The following ZNF81 variants were observed in gnomAD, a reference collection of about 807,000 sequenced individuals.
ZNF81 encodes the protein zinc finger protein 81 (HFZ20).
In ZNF81, 5 loss-of-function variants were observed where a neutral mutation model predicts 32.3. The observed-to-expected ratio is 0.15, with a 90% confidence interval of 0.08 to 0.33. The LOEUF (loss-of-function observed/expected upper bound fraction) is 0.33, where lower values mean the gene tolerates loss of function less well. Ranked by LOEUF, ZNF81 falls within the 10% of genes least tolerant of loss-of-function variation. ZNF81 has a pLI of 1.00. For synonymous variants in ZNF81, 163 were observed against 166.8 expected (o/e 0.98, Z 0.17); for missense variants, 379 against 479.8 (o/e 0.79, Z 1.96).
At chrX:47,870,509 A>G (rs1474365618) in intron 2 of ZNF81, among the ~76,000 whole-genome samples, 4 of 112,794 alleles carry the variant, frequency 3.5e-5, no homozygotes, top group African/African-American at 1.3e-4. Flanking sequence ...TAATTCCTGA[A>G]CAACAGAAAA....
chrX:47,868,962 T>C (rs1319522750), intron 2 of ZNF81, among the ~76,000 whole-genome samples: 2 of 108,249 alleles, frequency 1.8e-5, no homozygotes, highest in Non-Finnish European at 3.8e-5. Context: ...CTCTCTTATA[T>C]ACATCTTGAG....
rs782307247 is a variant in ZNF81, at chrX:47,860,245, G to A, written c.54+13924G>A. On this transcript the variant is annotated intron_variant, in intron 2 of 4. Transcript: ENST00000338637. ...GGCTGGATTGCAGTGGCGTGATCTC[G>A]GCTCACTGCAAGCTCCGCCTCCTGG... is the stretch of plus-strand genomic sequence containing the variant. 2.9e-5 allele frequency among the ~76,000 whole-genome samples: 3 copies of A among 104,904 alleles called. No homozygotes were observed. In the South Asian group the frequency reaches 1.3e-3, roughly 47 times the overall value. The allele number at this position is 104,904 out of a possible 115,157, so 91.1% of individuals were successfully genotyped here. A position where few individuals can be genotyped will look rare whatever the true frequency, so the allele number is the denominator to read the frequency against.
chrX:47,899,544 G>A (rs1478254564), intron 4 of ZNF81, among the ~76,000 whole-genome samples: 1 of 110,192 alleles, frequency 9.1e-6, no homozygotes, highest in Admixed American at 9.7e-5. Flanking sequence ...GAGTGATTTG[G>A]TTCATGGTTT....
At position 47,836,951 on chromosome X, in the gene ZNF81, CAGG is replaced by C. The variant is rs2058427526; in HGVS notation, c.-195_-193del. ...TTCTCAGCCGGGGTTTGATAGTTGTCAGGAGGATTCGACGTTCAGTGCCCAGGG... is the reference window on the plus strand; with the variant it reads ...TTCTCAGCCGGGGTTTGATAGTTGTCAGGATTCGACGTTCAGTGCCCAGGG... On this transcript the variant is annotated 5_prime_UTR_variant, in exon 1 of 5. Transcript: ENST00000338637. The C allele has an allele frequency of 4.6e-6, 1 of 216,837 alleles. No homozygotes were observed. The highest frequency in any genetic ancestry group is 2.9e-5 in the African/African-American group (1 of 34,253). 17.9% of individuals were successfully genotyped at this position (216,837 alleles called of 1,213,427 possible). A position where few individuals can be genotyped will look rare whatever the true frequency, so the allele number is the denominator to read the frequency against.
intron 4 of ZNF81, among the ~76,000 whole-genome samples, chrX:47,902,782 G>A (rs1191815236): frequency 5.4e-5 from 6 of 111,908 alleles, no homozygotes; most frequent in South Asian, 3.7e-4. Context: ...GGGGCCGGGC[G>A]CAGTGGCTCA....
intron 4 of ZNF81, among the ~76,000 whole-genome samples, chrX:47,910,285 T>C (rs1451306154): frequency 1.8e-5 from 2 of 111,626 alleles, no homozygotes; most frequent in Non-Finnish European, 3.8e-5. Context: ...GAAACTACCA[T>C]GAGTGAACAG....
chrX:47,891,673 A>C (rs1352831136), intron 3 of ZNF81, among the ~76,000 whole-genome samples: 2 of 111,911 alleles, frequency 1.8e-5, no homozygotes, highest in Non-Finnish European at 3.8e-5. Flanking sequence ...GCACTGTGAG[A>C]TGGACCTCAA....
At chrX:47,893,015 A>G (rs980048736) in intron 3 of ZNF81, among the ~76,000 whole-genome samples, 1 of 112,663 alleles carries the variant, frequency 8.9e-6, no homozygotes, top group African/African-American at 3.2e-5. Flanking sequence ...CTACTGGCAA[A>G]GGAGACTCAA....
Position 47,895,913 on chromosome X carries a change from G to C in ZNF81, c.250G>C (p.Gly84Arg), listed in dbSNP as rs782776139. ...AGGAGAGGGGCCATGGACATTGGAA[G>C]GGGAAGCCCCACATCAGAGCTGTTC... ...EQGEGPWTLEGEAPHQSCSDG... is the reference protein window; with the variant it reads ...EQGEGPWTLEREAPHQSCSDG... The change falls in exon 4 of 5, where the codon GGG (glycine) becomes CGG (arginine). Residue 84 changes from glycine to arginine, a missense_variant. Around this residue, in one of 2 missense-constraint regions of ZNF81, gnomAD observed 277 missense variants for 306.6 expected, o/e 0.90. Coordinates refer to ENST00000338637, the MANE Select transcript of ZNF81 (RefSeq NM_007137.5). The C allele has an allele frequency of 1.7e-6, 2 of 1,210,089 alleles. No homozygotes were observed. The highest frequency in any genetic ancestry group is 1.1e-6 in the Non-Finnish European group (1 of 893,942).
chrX:47,855,169 AATT>A (rs2058511605), intron 2 of ZNF81, among the ~76,000 whole-genome samples: 2 of 105,398 alleles, frequency 1.9e-5, no homozygotes, highest in African/African-American at 6.7e-5. Flanking sequence ...TAAATAAATT[AATT>A]AATTAATTAA....
At chrX:47,894,224 A>G (rs1556886868) in intron 3 of ZNF81, among the ~76,000 whole-genome samples, 1 of 111,416 alleles carries the variant, frequency 9.0e-6, no homozygotes, top group African/African-American at 3.3e-5. Flanking sequence ...GATTGTTACT[A>G]AACTGACCTG....
chrX:47,844,089 A>G (rs1202777308), intron 1 of ZNF81, among the ~76,000 whole-genome samples: 1 of 112,082 alleles, frequency 8.9e-6, no homozygotes, highest in East Asian at 2.8e-4. Flanking sequence ...TAGCTTCTGT[A>G]TTGATTTCCC....
chrX:47,868,157 T>C (rs1261426698), intron 2 of ZNF81, among the ~76,000 whole-genome samples: 1 of 111,526 alleles, frequency 9.0e-6, no homozygotes, highest in Non-Finnish European at 1.9e-5. Flanking sequence ...AAATCAATAG[T>C]AACACCAGGC....
chrX:47,912,812 C>A (rs371110620), intron 4 of ZNF81, among the ~76,000 whole-genome samples: 57 of 110,659 alleles, frequency 5.2e-4, no homozygotes, highest in African/African-American at 1.9e-3. Context: ...CCATCATTTT[C>A]TCTCAAATTC....
rs782618982 is a variant in ZNF81, at chrX:47,915,984, A to G, written c.1338A>G (p.Gln446=). 4.1e-6 allele frequency: 5 copies of G among 1,209,865 alleles called. No individual in the cohort carries two copies. In the South Asian group the frequency reaches 8.8e-5, roughly 21 times the overall value. The change falls in exon 5 of 5, where the codon CAA becomes CAG. Residue 446 remains glutamine, a synonymous_variant. Transcript: ENST00000338637. ...HTGERSYICT[Q]CGQAFIQKAH... is the part of the protein sequence containing the mutation. ...GAGAGAGGTCCTATATCTGTACTCAATGTGGGCAGGCCTTCATCCAGAAGG... is the reference window on the plus strand; with the variant it reads ...GAGAGAGGTCCTATATCTGTACTCAGTGTGGGCAGGCCTTCATCCAGAAGG...
rs151238724 is a variant in ZNF81, at chrX:47,892,705, T to C, written c.182-3140T>C. 1.7e-3 allele frequency among the ~76,000 whole-genome samples: 196 copies of C among 112,899 alleles called. 2 individuals carry two copies. The highest frequency in any genetic ancestry group is 6.0e-3 in the African/African-American group (188 of 31,100). ...TCCAACTTTTTGTTTCTTCCACCTTTATCATACACCCTTGATATCCATATC... is the reference window on the plus strand; with the variant it reads ...TCCAACTTTTTGTTTCTTCCACCTTCATCATACACCCTTGATATCCATATC... On this transcript the variant is annotated intron_variant, in intron 3 of 4. Coordinates refer to ENST00000338637, the MANE Select transcript of ZNF81 (RefSeq NM_007137.5).
rs1301378290 is a variant in ZNF81, at chrX:47,881,510, A to T, written c.55-6489A>T. On this transcript the variant is annotated intron_variant, in intron 2 of 4. Coordinates refer to ENST00000338637, the MANE Select transcript of ZNF81 (RefSeq NM_007137.5). ...AGGGGACAGATATTCAAACCATAGG[A>T]CTGACATATAAATAGTATTCTCTCT... Among the ~76,000 whole-genome samples, 9 of 112,175 alleles carry T rather than the reference A, an allele frequency of 8.0e-5. No homozygotes were observed. In the East Asian group the frequency reaches 2.3e-3, roughly 28 times the overall value.
rs146168691 is a variant in ZNF81, at chrX:47,900,042, T to C, written c.277+4102T>C. On this transcript the variant is annotated intron_variant, in intron 4 of 4. Coordinates refer to ENST00000338637, the MANE Select transcript of ZNF81 (RefSeq NM_007137.5). Reference sequence around the variant, plus strand: ...GAAATCTTCTAATGCCTTACTAATTTGTCTTCTACTTGTTCATTCAATTAT... The same window carrying C: ...GAAATCTTCTAATGCCTTACTAATTCGTCTTCTACTTGTTCATTCAATTAT... 8.0e-3 allele frequency among the ~76,000 whole-genome samples: 888 copies of C among 111,439 alleles called. 7 individuals carry two copies. Among genetic ancestry groups the C allele is most frequent in the African/African-American group, 0.028 (865 of 30,695 alleles).
chrX:47,852,885 T>G (rs1603172047), intron 2 of ZNF81, among the ~76,000 whole-genome samples: 1 of 112,880 alleles, frequency 8.9e-6, no homozygotes, highest in South Asian at 3.6e-4. Flanking sequence ...GGAATCACCA[T>G]CTGTGGCAGC....
Sources: allele counts gnomAD v4.1 joint callset (sites outside exome capture counted in the v4.1 genomes callset), GRCh38; gene constraint gnomAD v4.1.1; regional missense constraint gnomAD v4.1.1; transcripts MANE v1.5; gene names NCBI Gene and HGNC (gene_info 2026-07-23, HGNC 2026-07-21).